DLC1: variants seen among roughly 807,000 people sequenced by gnomAD.
DLC1 encodes the protein rho GTPase-activating protein 7.
A neutral mutation model predicts 140.3 loss-of-function variants in DLC1; 54 were observed. That is an observed-to-expected ratio of 0.38 (90% CI 0.31 to 0.48). DLC1 has a LOEUF of 0.48. DLC1 is among the 20% of genes least tolerant of loss of function. The probability of loss-of-function intolerance (pLI) is 0.96; values close to 1 mark genes in which losing one functional copy is unlikely to be tolerated. For missense variants in DLC1, 2,536 were observed against 1,907.0 expected (o/e 1.33, Z -6.14); for synonymous variants, 986 against 728.1 (o/e 1.35, Z -5.70).
chr8:13,258,739 A>G (rs753188885), intron 5 of DLC1, among the ~76,000 whole-genome samples: 6 of 152,210 alleles, frequency 3.9e-5, no homozygotes, highest in Middle Eastern at 6.8e-3. Flanking sequence ...CTATCTTTCT[A>G]TTTCATTTCC....
At chr8:13,148,143 G>A (rs1045263714) in intron 5 of DLC1, among the ~76,000 whole-genome samples, 13 of 151,600 alleles carry the variant, frequency 8.6e-5, no homozygotes, top group African/African-American at 3.2e-4. Flanking sequence ...TTTTAGGTCT[G>A]GGGTACATGT....
intron 2 of DLC1, among the ~76,000 whole-genome samples, chr8:13,415,575 A>G (rs905899373): frequency 2.6e-5 from 4 of 151,772 alleles, no homozygotes; most frequent in Non-Finnish European, 5.9e-5. Flanking sequence ...AGTTTTTTGT[A>G]GTTTTAGTAG....
intron 5 of DLC1, among the ~76,000 whole-genome samples, chr8:13,163,734 A>AT: frequency 6.6e-6 from 1 of 151,802 alleles, no homozygotes; most frequent in Non-Finnish European, 1.5e-5. Context: ...TAATCCCAGC[A>AT]TTTTGGGAGG....
rs1291438773 is a variant in DLC1 at position 13,088,473 on chromosome 8, T to C, written c.4292+14A>G. The C allele has an allele frequency of 6.2e-7, 1 of 1,613,804 alleles. No homozygotes were observed. The highest frequency in any genetic ancestry group is 8.5e-7 in the Non-Finnish European group (1 of 1,179,796). Reference sequence around the variant, plus strand: ...GTCATCCTTGTCACAAAAAAACAACTGGGAAGCGCTCACCTTAAAACAACG... The same window carrying C: ...GTCATCCTTGTCACAAAAAAACAACCGGGAAGCGCTCACCTTAAAACAACG... On this transcript the variant is annotated intron_variant, in intron 16 of 17. Transcript: ENST00000276297.
At chr8:13,261,946 G>T (rs1323004111) in intron 5 of DLC1, among the ~76,000 whole-genome samples, 2 of 152,172 alleles carry the variant, frequency 1.3e-5, no homozygotes, top group Non-Finnish European at 2.9e-5. Flanking sequence ...TCTAAGCATT[G>T]AATGTGTCTA....
intron 5 of DLC1, among the ~76,000 whole-genome samples, chr8:13,265,242 G>A (rs1223556804): frequency 6.6e-6 from 1 of 152,126 alleles, no homozygotes; most frequent in Non-Finnish European, 1.5e-5. Flanking sequence ...AATAGGGAGA[G>A]AAATATGGAA....
chr8:13,522,515 C>T (rs1266233742), intron 1 of DLC1, among the ~76,000 whole-genome samples: 2 of 151,930 alleles, frequency 1.3e-5, no homozygotes, highest in Non-Finnish European at 2.9e-5. Flanking sequence ...ATCCCATTTA[C>T]TCGGGTGGCT....
At chr8:13,558,611 A>G (rs1305720816) in intron 1 of DLC1, 1 of 152,226 alleles carries the variant, frequency 6.6e-6, no homozygotes, top group African/African-American at 2.4e-5. Flanking sequence ...AATGAGACAC[A>G]AAATCTAACC....
chr8:13,507,304 A>G (rs1165169934), intron 1 of DLC1, among the ~76,000 whole-genome samples: 1 of 152,218 alleles, frequency 6.6e-6, no homozygotes, highest in African/African-American at 2.4e-5. Context: ...CCCAGGGAAG[A>G]TATTATGTTT....
intron 5 of DLC1, among the ~76,000 whole-genome samples, chr8:13,264,439 G>A (rs1413406632): frequency 6.6e-6 from 1 of 152,182 alleles, no homozygotes; most frequent in Non-Finnish European, 1.5e-5. Context: ...AAAGACAGCT[G>A]CAGAAAGATA....
intron 1 of DLC1, among the ~76,000 whole-genome samples, chr8:13,580,120 C>T (rs1037673251): frequency 5.5e-4 from 4 of 7,332 alleles, no homozygotes; most frequent in African/African-American, 1.2e-3. Flanking sequence ...AAGTTGGTTA[C>T]ATTTATTTTT....
At chr8:13,381,505 G>T (rs1400440253) in intron 4 of DLC1, among the ~76,000 whole-genome samples, 2 of 152,296 alleles carry the variant, frequency 1.3e-5, no homozygotes, top group Non-Finnish European at 1.5e-5. Flanking sequence ...ATCTTGGTGT[G>T]TGACTTTGAA....
chr8:13,497,087 A>G (rs953316847), intron 2 of DLC1, among the ~76,000 whole-genome samples: 2 of 152,068 alleles, frequency 1.3e-5, no homozygotes, highest in African/African-American at 4.8e-5. Context: ...GGCATGAGAC[A>G]CCGCGCCTGG....
At chr8:13,110,125 C>T (rs1052136405) in intron 7 of DLC1, among the ~76,000 whole-genome samples, 2 of 150,532 alleles carry the variant, frequency 1.3e-5, no homozygotes, top group Admixed American at 1.3e-4. Context: ...GTCCCATCAT[C>T]GACTGCTACA....
intron 2 of DLC1, among the ~76,000 whole-genome samples, chr8:13,438,667 G>A (rs289623): frequency 4.6e-5 from 7 of 151,830 alleles, no homozygotes; most frequent in East Asian, 1.9e-4. Flanking sequence ...TCCTTCTGCC[G>A]AGGAAACGCC....
At chr8:13,435,890 A>G in intron 2 of DLC1, among the ~76,000 whole-genome samples, 1 of 152,212 alleles carries the variant, frequency 6.6e-6, no homozygotes, top group East Asian at 1.9e-4. Flanking sequence ...ATTTTAAGAA[A>G]TTGCCATGGC....
chr8:13,144,571 C>A (rs1197487856), intron 5 of DLC1, among the ~76,000 whole-genome samples: 15 of 152,122 alleles, frequency 9.9e-5, no homozygotes, highest in Admixed American at 9.8e-4. Flanking sequence ...CGAGAACATC[C>A]TGGCTAACAC....
At chr8:13,181,000 C>T (rs1441157362) in intron 5 of DLC1, among the ~76,000 whole-genome samples, 5 of 151,636 alleles carry the variant, frequency 3.3e-5, no homozygotes, top group Non-Finnish European at 7.4e-5. Flanking sequence ...TTGAAGATAT[C>T]TATTTTGAAA....
At chr8:13,268,407 C>T in intron 5 of DLC1, among the ~76,000 whole-genome samples, 1 of 152,076 alleles carries the variant, frequency 6.6e-6, no homozygotes, top group Non-Finnish European at 1.5e-5. Context: ...CTCCGCCTCC[C>T]AGGTTCACGC....
Sources: allele counts gnomAD v4.1 joint callset (sites outside exome capture counted in the v4.1 genomes callset), GRCh38; gene constraint gnomAD v4.1.1; transcripts MANE v1.5; gene names NCBI Gene and HGNC (gene_info 2026-07-23, HGNC 2026-07-21).